Variants in CEACAM8 observed in about 807,000 individuals in gnomAD.
The protein encoded by CEACAM8 is CEA cell adhesion molecule 8.
Under a neutral mutation model 33.4 loss-of-function variants are expected in CEACAM8, and 31 were observed. The ratio of observed to expected loss-of-function variants is 0.93; its 90% CI spans 0.70 to 1.25. The LOEUF (loss-of-function observed/expected upper bound fraction) is 1.25, where lower values mean the gene tolerates loss of function less well. Ranked by LOEUF, CEACAM8 falls within the 50% of genes most tolerant of loss-of-function variation. The probability of loss-of-function intolerance (pLI) is 0.00; values close to 1 mark genes in which losing one functional copy is unlikely to be tolerated. For missense variants in CEACAM8, 388 were observed against 434.6 expected, an observed-to-expected ratio of 0.89 and a Z score of 0.95; for synonymous variants, 138 against 164.5, an observed-to-expected ratio of 0.84 and a Z score of 1.23.
intron 2 of CEACAM8, among the ~76,000 whole-genome samples, chr19:42,590,328 T>A (rs1373559773): frequency 6.6e-6 from 1 of 152,210 alleles, no homozygotes; most frequent in African/African-American, 2.4e-5. Context: ...CATCGTGACT[T>A]ACTTGAGTCA....
intron 1 of CEACAM8, 34 bp from the exon 2 acceptor site, chr19:42,593,934 A>C: frequency 6.5e-7 from 1 of 1,543,866 alleles, no homozygotes; most frequent in Non-Finnish European, 8.7e-7. Flanking sequence ...GCAATATTGC[A>C]ACATATGTAT....
At chr19:42,590,722 G>C (rs2042422723) in intron 2 of CEACAM8, among the ~76,000 whole-genome samples, 1 of 152,150 alleles carries the variant, frequency 6.6e-6, no homozygotes, top group African/African-American at 2.4e-5. Context: ...AGGTTCCTAG[G>C]GTAGTCACAC....
chr19:42,591,253 G>A (rs556964803), intron 2 of CEACAM8, among the ~76,000 whole-genome samples: 1 of 152,176 alleles, frequency 6.6e-6, no homozygotes, highest in Non-Finnish European at 1.5e-5. Flanking sequence ...TTGGTGGAAG[G>A]AGTATTTCTC....
chr19:42,589,981 G>C (rs2042406883), intron 2 of CEACAM8, among the ~76,000 whole-genome samples: 1 of 152,168 alleles, frequency 6.6e-6, no homozygotes, highest in Non-Finnish European at 1.5e-5. Flanking sequence ...CTGGGTTGTG[G>C]ACAGACCCAG....
At chr19:42,592,652 T>C (rs2042466253) in intron 2 of CEACAM8, among the ~76,000 whole-genome samples, 1 of 143,510 alleles carries the variant, frequency 7.0e-6, no homozygotes. Flanking sequence ...TCTTTCTCAA[T>C]AGGAAAATGA....
chr19:42,582,593 A>T (rs1345399732), intron 5 of CEACAM8, among the ~76,000 whole-genome samples: 3 of 152,020 alleles, frequency 2.0e-5, no homozygotes, highest in Admixed American at 2.0e-4. Flanking sequence ...CAGATAGTGG[A>T]TGGGAGATTA....
At chr19:42,584,501 T>G (rs2042303780) in intron 4 of CEACAM8, among the ~76,000 whole-genome samples, 1 of 152,240 alleles carries the variant, frequency 6.6e-6, no homozygotes, top group South Asian at 2.1e-4. Flanking sequence ...GACTTGAGAT[T>G]TGATTCTAGG....
chr19:42,583,269 G>A lies in CEACAM8; in HGVS notation c.1027C>T (p.Leu343=). 6.2e-7 allele frequency: 1 copy of A among 1,612,324 alleles called. No individual in the cohort carries two copies. Among genetic ancestry groups the A allele is most frequent in the Non-Finnish European group, 8.5e-7 (1 of 1,178,498 alleles). The stretch of plus-strand genomic sequence containing the variant: ...TACTATATCAGAGCCACCCTGGCCA[G>A]TACTCCAATCATGATGCTGACAGTG... ...RATVSIMIGV[L]ARVALI Residue 343 remains leucine, a synonymous_variant, in exon 5 of 6, where the codon CTG becomes TTG. Transcript: ENST00000244336.
chr19:42,594,749 G>T lies in CEACAM8; in HGVS notation c.64+16C>A, dbSNP rs747245907. The T allele has an allele frequency of 2.5e-6, 4 of 1,602,072 alleles. No individual in the cohort carries two copies. The African/African-American group carries it at 4.0e-5, about 16-fold the overall frequency. On this transcript the variant is annotated intron_variant, in intron 1 of 5. Transcript: ENST00000244336. ...GTTTCCTCCTCCTGTCCTTTCCCAGGAAGTCCTCTCCTCACCTGTGAGCAG... is the reference window on the plus strand; with the variant it reads ...GTTTCCTCCTCCTGTCCTTTCCCAGTAAGTCCTCTCCTCACCTGTGAGCAG...
Position 42,580,588 on chromosome 19 carries a change from A to G in CEACAM8, c.*806T>C, listed in dbSNP as rs772702366. The G allele has an allele frequency of 1.3e-5, 2 of 152,290 alleles. No individual in the cohort carries two copies. The highest frequency in any genetic ancestry group is 2.4e-5 in the African/African-American group (1 of 41,464). The allele number at this position is 152,290 out of a possible 1,614,324, so 9.4% of individuals were successfully genotyped here. A position where few individuals can be genotyped will look rare whatever the true frequency, so the allele number is the denominator to read the frequency against. Reference sequence around the variant, plus strand: ...GCAGATTCTCACTGAACTTGTGCAAATAACTGAATTACCATAAACATATGA... The same window carrying G: ...GCAGATTCTCACTGAACTTGTGCAAGTAACTGAATTACCATAAACATATGA... On this transcript the variant is annotated 3_prime_UTR_variant, in exon 6 of 6. Coordinates refer to ENST00000244336, the MANE Select transcript of CEACAM8 (RefSeq NM_001816.4).
intron 5 of CEACAM8, among the ~76,000 whole-genome samples, 190 bp from the exon 6 acceptor site, chr19:42,581,543 C>G (rs2042256600): frequency 6.6e-6 from 1 of 152,114 alleles, no homozygotes; most frequent in Non-Finnish European, 1.5e-5. Context: ...GTAAATATAA[C>G]TTAGAGAAGG....
chr19:42,593,100 C>A (rs2042475453), intron 2 of CEACAM8, among the ~76,000 whole-genome samples: 1 of 152,218 alleles, frequency 6.6e-6, no homozygotes, highest in African/African-American at 2.4e-5. Flanking sequence ...AGTGCTGGCA[C>A]AGGTTTCCCA....
rs781374870 is a variant in CEACAM8 at position 42,583,336 on chromosome 19, A to G, written c.960T>C (p.Asp320=). 27 of 1,603,804 alleles carry G rather than the reference A, an allele frequency of 1.7e-5. No homozygotes were observed. In the African/African-American group the frequency reaches 2.4e-4, roughly 14 times the overall value. The change falls in exon 5 of 6, where the codon GAT becomes GAC. Residue 320 remains aspartate (D), a splice_region_variant and synonymous_variant. Coordinates refer to ENST00000244336, the MANE Select transcript of CEACAM8 (RefSeq NM_001816.4). ...RTTVRMITVS[D]ALVQGSSPGL... Reference sequence around the variant, plus strand: ...CAGGAGAACTTCCTTGTACTAAAGCATCTGTCATGGAAAGAAAAGAAGAGA... The same window carrying G: ...CAGGAGAACTTCCTTGTACTAAAGCGTCTGTCATGGAAAGAAAAGAAGAGA...
intron 5 of CEACAM8, among the ~76,000 whole-genome samples, chr19:42,582,280 G>A (rs1385292932): frequency 1.3e-5 from 2 of 151,988 alleles, no homozygotes; most frequent in East Asian, 1.9e-4. Context: ...ATTCCAATGT[G>A]TGGCTATATT....
intron 4 of CEACAM8, 63 bp from the exon 5 acceptor site, chr19:42,583,400 A>G (rs1034423047): frequency 5.7e-6 from 6 of 1,046,990 alleles, no homozygotes; most frequent in Non-Finnish European, 8.9e-6. Context: ...GGGGTACCCC[A>G]GGAACCAGCT....
rs143763173 is a variant in CEACAM8 at position 42,594,794 on chromosome 19, C to G, written c.35G>C (p.Arg12Pro). The G allele has an allele frequency of 6.2e-6, 10 of 1,610,620 alleles. No homozygotes were observed. Among genetic ancestry groups the G allele is most frequent in the African/African-American group, 1.3e-5 (1 of 74,796 alleles). The change falls in exon 1 of 6, where the codon CGC (arginine) becomes CCC (proline). Residue 12 changes from arginine (R) to proline (P), a missense_variant. Coordinates refer to ENST00000244336, the MANE Select transcript of CEACAM8 (RefSeq NM_001816.4). The stretch of plus-strand genomic sequence containing the variant: ...GAGCAGGAGCCCCTGCCAGGGGATG[C>G]GCCATCTGCAGGAAGGGGCTGAGAT... Reference protein sequence around the residue: ...GPISAPSCRWRIPWQGLLLTA... With the variant: ...GPISAPSCRWPIPWQGLLLTA...
At chr19:42,590,425 C>T (rs2042416267) in intron 2 of CEACAM8, among the ~76,000 whole-genome samples, 1 of 152,132 alleles carries the variant, frequency 6.6e-6, no homozygotes, top group Admixed American at 6.5e-5. Flanking sequence ...TGGAGCAGAA[C>T]CTTGTTTCCT....
intron 3 of CEACAM8, 54 bp from the exon 4 acceptor site, chr19:42,589,092 C>T: frequency 6.4e-7 from 1 of 1,567,542 alleles, no homozygotes; most frequent in Non-Finnish European, 8.7e-7. Flanking sequence ...AGGGGAAGCT[C>T]CTGGTCTGTG....
At chr19:42,592,422 G>A (rs2042458553) in intron 2 of CEACAM8, among the ~76,000 whole-genome samples, 1 of 149,218 alleles carries the variant, frequency 6.7e-6, no homozygotes, top group Non-Finnish European at 1.5e-5. Context: ...GGCCAACATG[G>A]TAAAACTCTG....
Sources: gnomAD v4.1 joint callset for allele counts (sites outside exome capture counted in the v4.1 genomes callset) on GRCh38, gnomAD v4.1.1 for gene constraint, MANE v1.5 for transcripts, NCBI Gene and HGNC (gene_info 2026-07-23, HGNC 2026-07-21) for gene names.